GLIS3: variants seen among roughly 807,000 people sequenced by gnomAD.
The protein encoded by GLIS3 is GLIS family zinc finger 3.
In GLIS3, 53 loss-of-function variants were observed where a neutral mutation model predicts 78.6. That is an observed-to-expected ratio of 0.67 (90% CI 0.54 to 0.85). The LOEUF (loss-of-function observed/expected upper bound fraction) is 0.85. GLIS3 is among the 40% of genes least tolerant of loss of function. The pLI is 0.00. For synonymous variants in GLIS3, 684 were observed against 509.9 expected, an observed-to-expected ratio of 1.34 and a Z score of -4.60; for missense variants, 1,703 against 1,231.1, an observed-to-expected ratio of 1.38 and a Z score of -5.74.
intron 1 of GLIS3, among the ~76,000 whole-genome samples, chr9:4,347,661 A>C (rs1300763383): frequency 2.0e-5 from 3 of 152,222 alleles, no homozygotes; most frequent in Admixed American, 2.0e-4. Context: ...TCCAGAGTGA[A>C]CTAAAATCAG....
chr9:4,467,802 G>C, the GLIS3 span, among the ~76,000 whole-genome samples: 3 of 152,364 alleles, frequency 2.0e-5, no homozygotes, highest in East Asian at 5.8e-4. Flanking sequence ...CGAGTTGAGA[G>C]AAGAAGGTTT....
intron 9 of GLIS3, among the ~76,000 whole-genome samples, chr9:3,843,171 A>G (rs1366445224): frequency 6.6e-6 from 1 of 152,206 alleles, no homozygotes; most frequent in Admixed American, 6.5e-5. Flanking sequence ...AGCTGTAACC[A>G]AACTCCCACA....
At chr9:4,032,008 G>A (rs1040949675) in intron 4 of GLIS3, among the ~76,000 whole-genome samples, 9 of 152,176 alleles carry the variant, frequency 5.9e-5, no homozygotes, top group African/African-American at 2.2e-4. Flanking sequence ...AATCAAAGGA[G>A]CCCAGGAGGT....
the GLIS3 span, among the ~76,000 whole-genome samples, chr9:4,486,808 G>A: frequency 2.0e-5 from 3 of 152,168 alleles, no homozygotes; most frequent in Non-Finnish European, 4.4e-5. Flanking sequence ...TCTTGCCTCA[G>A]CCTCCCAAGT....
the GLIS3 span, among the ~76,000 whole-genome samples, chr9:4,483,726 A>AC: frequency 1.5e-4 from 22 of 151,216 alleles, no homozygotes; most frequent in African/African-American, 4.8e-4. Flanking sequence ...GTCTTGGGAA[A>AC]AAAAAAAAAA....
At chr9:4,458,727 G>A in the GLIS3 span, among the ~76,000 whole-genome samples, 1 of 152,192 alleles carries the variant, frequency 6.6e-6, no homozygotes, top group African/African-American at 2.4e-5. Context: ...GAACCCGGGA[G>A]GCAGAGGTTG....
At chr9:4,355,536 T>C in the GLIS3 span, among the ~76,000 whole-genome samples, 1 of 152,148 alleles carries the variant, frequency 6.6e-6, no homozygotes, top group African/African-American at 2.4e-5. Flanking sequence ...AAATGGGTGC[T>C]ACTCTCCTAG....
intron 4 of GLIS3, among the ~76,000 whole-genome samples, chr9:3,989,900 A>T (rs975691877): frequency 3.9e-5 from 6 of 152,220 alleles, no homozygotes; most frequent in African/African-American, 1.2e-4. Context: ...AAACTGAGGA[A>T]GCCTGAATAG....
At chr9:3,831,607 T>C (rs1353765740) in intron 9 of GLIS3, among the ~76,000 whole-genome samples, 1 of 152,192 alleles carries the variant, frequency 6.6e-6, no homozygotes, top group Non-Finnish European at 1.5e-5. Context: ...ATTAAGGAAA[T>C]ACACTTCTGA....
At chr9:4,326,160 C>T (rs918431216) in intron 2 of GLIS3, among the ~76,000 whole-genome samples, 7 of 152,104 alleles carry the variant, frequency 4.6e-5, no homozygotes, top group Non-Finnish European at 8.8e-5. Context: ...CACACATTTA[C>T]CTATGTAACA....
chr9:4,057,932 A>G lies in GLIS3; in HGVS notation c.1710+59836T>C, dbSNP rs543254345. ...TAAAAAAACAAAAAGCCCAAACTGTAAAGAAAATATAATATTCTAAAAATA... is the reference window on the plus strand; with the variant it reads ...TAAAAAAACAAAAAGCCCAAACTGTGAAGAAAATATAATATTCTAAAAATA... On this transcript the variant is annotated intron_variant, in intron 4 of 10. Coordinates refer to ENST00000381971, the MANE Select transcript of GLIS3 (RefSeq NM_001042413.2). Among the ~76,000 whole-genome samples, 3 of 152,192 alleles carry G rather than the reference A, an allele frequency of 2.0e-5. No homozygotes were observed. The South Asian group carries it at 6.2e-4, about 32-fold the overall frequency.
At chr9:4,006,304 C>CAAAAAAAAAAAAAAAAAAAA (rs71497513) in intron 4 of GLIS3, among the ~76,000 whole-genome samples, 1 of 32,542 alleles carries the variant, frequency 3.1e-5, no homozygotes, top group East Asian at 9.0e-4. Flanking sequence ...TCATATGTCT[C>CAAAAAAAAAAAAAAAAAAAA]AAAAAAAAAA....
intron 2 of GLIS3, among the ~76,000 whole-genome samples, chr9:4,323,812 A>G (rs1260822370): frequency 6.6e-6 from 1 of 152,190 alleles, no homozygotes; most frequent in Non-Finnish European, 1.5e-5. Flanking sequence ...AGCACATCAT[A>G]GGGGCGCAGC....
chr9:4,467,879 T>C, the GLIS3 span, among the ~76,000 whole-genome samples: 1 of 152,102 alleles, frequency 6.6e-6, no homozygotes, highest in Non-Finnish European at 1.5e-5. Context: ...ACAAAGAAGC[T>C]AAAAACCTTG....
the GLIS3 span, among the ~76,000 whole-genome samples, chr9:4,444,840 T>C: frequency 6.6e-6 from 1 of 152,202 alleles, no homozygotes; most frequent in Non-Finnish European, 1.5e-5. Context: ...ATTTCATGCT[T>C]GGATAAATTG....
intron 2 of GLIS3, among the ~76,000 whole-genome samples, chr9:4,199,975 GAATA>G (rs1341441550): frequency 6.6e-6 from 1 of 152,060 alleles, no homozygotes; most frequent in Non-Finnish European, 1.5e-5. Context: ...GACCACAGTG[GAATA>G]AAAACAGAAA....
chr9:4,468,562 ATACTT>A, the GLIS3 span, among the ~76,000 whole-genome samples: 1 of 152,244 alleles, frequency 6.6e-6, no homozygotes, highest in Non-Finnish European at 1.5e-5. Context: ...GAGAAATAAA[ATACTT>A]TACAGAAAAG....
chr9:4,090,805 C>T (rs1184544987), intron 4 of GLIS3, among the ~76,000 whole-genome samples: 5 of 152,188 alleles, frequency 3.3e-5, no homozygotes, highest in Non-Finnish European at 7.3e-5. Flanking sequence ...TCAACTGCTA[C>T]TGCTGAGGTT....
intron 2 of GLIS3, among the ~76,000 whole-genome samples, chr9:4,257,496 AC>A (rs1454837099): frequency 6.6e-6 from 1 of 152,222 alleles, no homozygotes; most frequent in Non-Finnish European, 1.5e-5. Context: ...AAAAAAGCAA[AC>A]CAAAAGAAAG....
Sources: gnomAD v4.1 joint callset for allele counts (sites outside exome capture counted in the v4.1 genomes callset) on GRCh38, gnomAD v4.1.1 for gene constraint, MANE v1.5 for transcripts, NCBI Gene and HGNC (gene_info 2026-07-23, HGNC 2026-07-21) for gene names.